Variants in TIAM1 observed in about 807,000 individuals in gnomAD.
TIAM1 encodes the protein TIAM Rac1 associated GEF 1, also known as rho guanine nucleotide exchange factor TIAM1.
In TIAM1, 65 loss-of-function variants were observed where a neutral mutation model predicts 163.5. The ratio of observed to expected loss-of-function variants is 0.40; its 90% CI spans 0.33 to 0.49. The LOEUF (loss-of-function observed/expected upper bound fraction) is 0.49, where lower values mean the gene tolerates loss of function less well. TIAM1 is among the 20% of genes least tolerant of loss of function. The pLI is 0.77. For synonymous variants in TIAM1, 833 were observed against 810.1 expected, an observed-to-expected ratio of 1.03 and a Z score of -0.48; for missense variants, 1,789 against 2,044.7, an observed-to-expected ratio of 0.87 and a Z score of 2.41.
chr21:31,207,418 C>T (rs1237321026), intron 11 of TIAM1, among the ~76,000 whole-genome samples: 1 of 152,050 alleles, frequency 6.6e-6, no homozygotes, highest in Non-Finnish European at 1.5e-5. Flanking sequence ...TTAGAGAAAG[C>T]ATCTATCACC....
chr21:31,220,738 A>G (rs2087510085), intron 8 of TIAM1, among the ~76,000 whole-genome samples: 1 of 152,216 alleles, frequency 6.6e-6, no homozygotes, highest in African/African-American at 2.4e-5. Flanking sequence ...AAATGAGCAA[A>G]GGGATTTAGA....
chr21:31,540,568 C>A (rs1356843180), intron 1 of TIAM1, among the ~76,000 whole-genome samples: 1 of 152,182 alleles, frequency 6.6e-6, no homozygotes, highest in Non-Finnish European at 1.5e-5. Flanking sequence ...CGGGGACCCC[C>A]ATCTCTGCAG....
intron 1 of TIAM1, among the ~76,000 whole-genome samples, chr21:31,553,826 G>T (rs2048777364): frequency 6.6e-6 from 1 of 152,062 alleles, no homozygotes; most frequent in Non-Finnish European, 1.5e-5. Flanking sequence ...AGCAAGCAAT[G>T]GGTAGCAAAT....
Position 31,549,247 on chromosome 21 carries a change from G to T in TIAM1, c.-422+9680C>A, listed in dbSNP as rs190746917. Among the ~76,000 whole-genome samples the T allele has an allele frequency of 2.6e-5, 4 of 152,156 alleles. No homozygotes were observed. In the East Asian group the frequency reaches 7.7e-4, roughly 29 times the overall value. On this transcript the variant is annotated intron_variant, in intron 1 of 28. Coordinates refer to the TIAM1 transcript ENST00000286827. The stretch of plus-strand genomic sequence containing the variant: ...TTAGTCATGCCAGAAGTGTAGAAAA[G>T]GAAATGTAAATTAGCATACCACCTA...
intron 1 of TIAM1, among the ~76,000 whole-genome samples, chr21:31,510,810 A>G (rs1033349666): frequency 3.5e-5 from 4 of 113,904 alleles, no homozygotes; most frequent in Admixed American, 9.6e-5. Flanking sequence ...GTGAAACTCC[A>G]TCTCAAAAAA....
chr21:31,407,368 T>C (rs2077264644), intron 2 of TIAM1, among the ~76,000 whole-genome samples: 1 of 152,130 alleles, frequency 6.6e-6, no homozygotes, highest in African/African-American at 2.4e-5. Context: ...AGTTCACAGA[T>C]GGTGGGACCG....
intron 2 of TIAM1, among the ~76,000 whole-genome samples, chr21:31,426,289 C>T (rs1215338185): frequency 6.6e-6 from 1 of 152,150 alleles, no homozygotes; most frequent in African/African-American, 2.4e-5. Flanking sequence ...ACATCACATT[C>T]CTTACCCCAA....
chr21:31,194,142 T>G (rs2085723474), intron 13 of TIAM1, among the ~76,000 whole-genome samples: 1 of 151,870 alleles, frequency 6.6e-6, no homozygotes, highest in African/African-American at 2.4e-5. Context: ...TCTTTTTTTT[T>G]GCCTGTTAAA....
chr21:31,304,794 G>A (rs2074634642), intron 2 of TIAM1, among the ~76,000 whole-genome samples: 1 of 152,186 alleles, frequency 6.6e-6, no homozygotes, highest in Non-Finnish European at 1.5e-5. Context: ...CTGGGTTTAA[G>A]CGATTCTCGT....
At chr21:31,509,671 C>A (rs1244112510) in intron 1 of TIAM1, among the ~76,000 whole-genome samples, 1 of 152,150 alleles carries the variant, frequency 6.6e-6, no homozygotes, top group East Asian at 1.9e-4. Flanking sequence ...TAAGACAGTT[C>A]CAATGCCCTG....
Position 31,141,619 on chromosome 21 carries a change from A to T in TIAM1, c.3476-115T>A. On this transcript the variant is annotated intron_variant, in intron 20 of 27. Transcript: ENST00000541036. The surrounding 1 kb of genome is among the most constrained non-coding windows in gnomAD (Gnocchi z 4.7). ...TGCCTTTTTGCAGGACTGAGCAGAG[A>T]GTGGGTGGCAGGAAGAGGGACAGGT... The T allele has an allele frequency of 3.5e-6, 4 of 1,146,130 alleles. No individual in the cohort carries two copies. Among genetic ancestry groups the T allele is most frequent in the East Asian group, 2.6e-5 (1 of 38,562 alleles). 71.0% of individuals were successfully genotyped at this position (1,146,130 alleles called of 1,614,324 possible). A position where few individuals can be genotyped will look rare whatever the true frequency, so the allele number is the denominator to read the frequency against.
chr21:31,336,960 C>T (rs1467287008), intron 2 of TIAM1, among the ~76,000 whole-genome samples: 2 of 152,130 alleles, frequency 1.3e-5, no homozygotes, highest in Non-Finnish European at 2.9e-5. Context: ...CCATGGCAGT[C>T]ACTATAGCCA....
intron 4 of TIAM1, among the ~76,000 whole-genome samples, chr21:31,260,241 T>A (rs1345930308): frequency 7.0e-6 from 1 of 142,448 alleles, no homozygotes; most frequent in East Asian, 2.3e-4. Context: ...TACACATATA[T>A]ACTTTTTTTT....
At chr21:31,147,915 T>C (rs1271736792) in intron 19 of TIAM1, among the ~76,000 whole-genome samples, 4 of 127,278 alleles carry the variant, frequency 3.1e-5, no homozygotes, top group Non-Finnish European at 4.7e-5. Context: ...AGCAAAGAAA[T>C]AAGGTTTTGA....
At chr21:31,172,548 G>GA (rs2146396428) in intron 15 of TIAM1, among the ~76,000 whole-genome samples, 1 of 152,258 alleles carries the variant, frequency 6.6e-6, no homozygotes, top group Admixed American at 6.5e-5. Context: ...GGAGAAGCAG[G>GA]ATGCCCATCC....
At chr21:31,352,927 C>G (rs545074181) in intron 2 of TIAM1, among the ~76,000 whole-genome samples, 1 of 151,316 alleles carries the variant, frequency 6.6e-6, no homozygotes, top group Non-Finnish European at 1.5e-5. Flanking sequence ...AAACTTTACA[C>G]ACATTAACCA....
intron 1 of TIAM1, among the ~76,000 whole-genome samples, chr21:31,500,610 C>T (rs1486016657): frequency 6.6e-6 from 1 of 152,158 alleles, no homozygotes; most frequent in East Asian, 1.9e-4. Flanking sequence ...TGGGGCACAG[C>T]AGTCTTTTAA....
At chr21:31,253,901 C>T (rs576917247) in intron 4 of TIAM1, among the ~76,000 whole-genome samples, 20 of 152,188 alleles carry the variant, frequency 1.3e-4, no homozygotes, top group Non-Finnish European at 2.6e-4. Context: ...GGACATTGAC[C>T]ATATGCTTCC....
chr21:31,477,167 T>A (rs1325915132), intron 1 of TIAM1, among the ~76,000 whole-genome samples: 4 of 152,196 alleles, frequency 2.6e-5, no homozygotes. Context: ...GCAATTCATA[T>A]GGGTCAACCT....
Sources: allele counts gnomAD v4.1 joint callset (sites outside exome capture counted in the v4.1 genomes callset), GRCh38; gene constraint gnomAD v4.1.1; non-coding constraint Gnocchi (gnomAD v3.1); transcripts MANE v1.5; gene names NCBI Gene and HGNC (gene_info 2026-07-23, HGNC 2026-07-21).